Variants in KLF12 observed in about 807,000 individuals in gnomAD.
KLF12 encodes Krueppel-like factor 12.
Under a neutral mutation model 37.8 loss-of-function variants are expected in KLF12, and 9 were observed. That is an observed-to-expected ratio of 0.24 (90% CI 0.14 to 0.42). KLF12 has a LOEUF of 0.42. KLF12 is among the 10% of genes least tolerant of loss of function. KLF12 has a pLI of 1.00. For synonymous variants in KLF12, 208 were observed against 202.1 expected, an observed-to-expected ratio of 1.03 and a Z score of -0.25; for missense variants, 411 against 516.0, an observed-to-expected ratio of 0.80 and a Z score of 1.97.
intron 1 of KLF12, among the ~76,000 whole-genome samples, chr13:74,060,494 G>GTGTGTGTGTGTGTC (rs1555336644): frequency 1.5e-4 from 19 of 126,174 alleles, no homozygotes; most frequent in African/African-American, 2.0e-4. Flanking sequence ...TTGTGTGTGT[G>GTGTGTGTGTGTGTC]TGTGTGTGTG....
chr13:73,945,328 G>A (rs1440856787), intron 2 of KLF12, among the ~76,000 whole-genome samples: 4 of 152,142 alleles, frequency 2.6e-5, no homozygotes, highest in African/African-American at 7.2e-5. Flanking sequence ...AATTAGCTGG[G>A]CGTGGTGGCA....
chr13:74,276,473 A>G, the KLF12 span, among the ~76,000 whole-genome samples: 1 of 152,198 alleles, frequency 6.6e-6, no homozygotes, highest in African/African-American at 2.4e-5. Context: ...ATTGAAATAT[A>G]TACTATACCA....
chr13:74,181,465 T>C, the KLF12 span, among the ~76,000 whole-genome samples: 1 of 150,684 alleles, frequency 6.6e-6, no homozygotes, highest in Non-Finnish European at 1.5e-5. Flanking sequence ...GGCGGATCAC[T>C]TGAGGTCAGG....
chr13:74,209,049 T>C, the KLF12 span, among the ~76,000 whole-genome samples: 5 of 152,116 alleles, frequency 3.3e-5, no homozygotes. Flanking sequence ...AACAGTATAC[T>C]AGATTTTGTG....
At chr13:73,821,254 A>G (rs1284056044) in intron 4 of KLF12, among the ~76,000 whole-genome samples, 1 of 152,156 alleles carries the variant, frequency 6.6e-6, no homozygotes, top group Non-Finnish European at 1.5e-5. Context: ...CAGCAATTCC[A>G]AAGAATTCCA....
At chr13:74,005,314 A>T (rs1892382405) in intron 1 of KLF12, among the ~76,000 whole-genome samples, 1 of 152,234 alleles carries the variant, frequency 6.6e-6, no homozygotes, top group African/African-American at 2.4e-5. Context: ...AAAAATAAAT[A>T]TAAAGGAACT....
chr13:73,878,524 C>T (rs1390220135), intron 3 of KLF12, among the ~76,000 whole-genome samples: 1 of 152,170 alleles, frequency 6.6e-6, no homozygotes, highest in Non-Finnish European at 1.5e-5. Context: ...ATTTGTTCTG[C>T]GTTGTGCACT....
the KLF12 span, among the ~76,000 whole-genome samples, chr13:74,170,260 C>T: frequency 6.6e-6 from 1 of 152,110 alleles, no homozygotes; most frequent in Non-Finnish European, 1.5e-5. Flanking sequence ...TAACATTCTG[C>T]TCTCTGCTTT....
intron 6 of KLF12, among the ~76,000 whole-genome samples, chr13:73,747,712 T>C (rs1296027733): frequency 6.6e-6 from 1 of 152,166 alleles, no homozygotes; most frequent in Non-Finnish European, 1.5e-5. Context: ...ACAGGTATTA[T>C]TAGCAAGCCC....
intron 1 of KLF12, among the ~76,000 whole-genome samples, chr13:74,122,436 G>A (rs888592130): frequency 1.3e-5 from 2 of 152,026 alleles, no homozygotes; most frequent in African/African-American, 4.8e-5. Flanking sequence ...TGGGGAGAGC[G>A]TATTTGCCTG....
chr13:74,044,153 A>G (rs1893479377), intron 1 of KLF12, among the ~76,000 whole-genome samples: 1 of 152,184 alleles, frequency 6.6e-6, no homozygotes, highest in Non-Finnish European at 1.5e-5. Context: ...CACACTGAAG[A>G]GGAATGAAAA....
intron 5 of KLF12, among the ~76,000 whole-genome samples, chr13:73,794,721 C>T (rs1361925033): frequency 6.6e-6 from 1 of 152,138 alleles, no homozygotes; most frequent in Non-Finnish European, 1.5e-5. Flanking sequence ...GTGTGTCATT[C>T]TGATCTTTTC....
intron 2 of KLF12, among the ~76,000 whole-genome samples, chr13:73,991,457 C>T (rs1228586839): frequency 6.6e-6 from 1 of 152,190 alleles, no homozygotes. Context: ...CTCTCTCACA[C>T]TAAAAAACAA....
the KLF12 span, among the ~76,000 whole-genome samples, chr13:74,246,651 C>G: frequency 2.1e-4 from 32 of 152,194 alleles, no homozygotes; most frequent in Non-Finnish European, 4.0e-4. Context: ...GATGCCTCTC[C>G]AGAAACACCG....
At chr13:74,178,761 GCATAGGACATC>G in the KLF12 span, among the ~76,000 whole-genome samples, 1 of 152,146 alleles carries the variant, frequency 6.6e-6, no homozygotes, top group Non-Finnish European at 1.5e-5. Context: ...CTGACACTGA[GCATAGGACATC>G]CCTTTGTCAG....
At chr13:74,104,612 T>C (rs1876550386) in intron 1 of KLF12, among the ~76,000 whole-genome samples, 1 of 152,194 alleles carries the variant, frequency 6.6e-6, no homozygotes, top group Non-Finnish European at 1.5e-5. Context: ...TAATATCGCT[T>C]GAGATAGTAT....
chr13:74,163,644 G>A, the KLF12 span, among the ~76,000 whole-genome samples: 1 of 151,896 alleles, frequency 6.6e-6, no homozygotes, highest in Non-Finnish European at 1.5e-5. Context: ...GGAGAAGTAA[G>A]ACCTACCATT....
the KLF12 span, among the ~76,000 whole-genome samples, chr13:74,197,893 A>G: frequency 6.6e-6 from 1 of 152,132 alleles, no homozygotes; most frequent in Non-Finnish European, 1.5e-5. Flanking sequence ...TCTGGAACAA[A>G]GAGGGCATTG....
At chr13:73,905,909 A>G (rs565528331) in intron 3 of KLF12, among the ~76,000 whole-genome samples, 15 of 151,924 alleles carry the variant, frequency 9.9e-5, no homozygotes, top group African/African-American at 3.1e-4. Context: ...CACCTTCCCA[A>G]CTCTTCTCCA....
Sources: gnomAD v4.1 joint callset for allele counts (sites outside exome capture counted in the v4.1 genomes callset) on GRCh38, gnomAD v4.1.1 for gene constraint, MANE v1.5 for transcripts, NCBI Gene and HGNC (gene_info 2026-07-23, HGNC 2026-07-21) for gene names.